COL4A6: variants seen among roughly 807,000 people sequenced by gnomAD.
The protein encoded by COL4A6 is collagen alpha-6(IV) chain.
A neutral mutation model predicts 126.7 loss-of-function variants in COL4A6; 59 were observed. The observed-to-expected ratio is 0.47, with a 90% CI of 0.38 to 0.58. The LOEUF is 0.58. Ranked by LOEUF, COL4A6 falls within the 20% of genes least tolerant of loss-of-function variation. The pLI is 0.00. For missense variants in COL4A6, 1,285 were observed against 1,337.3 expected, an observed-to-expected ratio of 0.96 and a Z score of 0.61; for synonymous variants, 547 against 496.6, an observed-to-expected ratio of 1.10 and a Z score of -1.35.
intron 3 of COL4A6, among the ~76,000 whole-genome samples, chrX:108,237,300 C>T (rs749623435): frequency 9.0e-6 from 1 of 111,635 alleles, no homozygotes; most frequent in Admixed American, 9.5e-5. Context: ...ATAAAATCCA[C>T]ACTCCTTAAT....
intron 13 of COL4A6, 79 bp downstream of exon 13, chrX:108,202,849 C>A: frequency 1.2e-6 from 1 of 817,458 alleles, no homozygotes; most frequent in Non-Finnish European, 1.8e-6. Flanking sequence ...GGGAAGAGGT[C>A]TTTCTGTTAG....
chrX:108,178,614 CCCCAGGGCATCTGGG>C, intron 27 of COL4A6, 55 bp downstream of exon 27: 4 of 1,081,332 alleles, frequency 3.7e-6, no homozygotes, highest in Non-Finnish European at 5.0e-6. Context: ...GCTATTGCCC[CCCCAGGGCATCTGGG>C]CCCAGGGCCT....
intron 23 of COL4A6, 94 bp from the exon 24 acceptor site, chrX:108,181,062 C>G: frequency 1.3e-6 from 1 of 750,228 alleles, no homozygotes; most frequent in Non-Finnish European, 2.0e-6. Context: ...TTTAATAGGA[C>G]AGCCAAGCTC....
intron 23 of COL4A6, among the ~76,000 whole-genome samples, chrX:108,183,980 C>A (rs191194859): frequency 2.7e-5 from 3 of 111,715 alleles, no homozygotes; most frequent in African/African-American, 9.7e-5. Flanking sequence ...GCATCTGGAA[C>A]AGAGCCTCTT....
intron 2 of COL4A6, among the ~76,000 whole-genome samples, chrX:108,401,544 C>A (rs2041088075): frequency 9.1e-6 from 1 of 110,491 alleles, no homozygotes; most frequent in South Asian, 3.8e-4. Context: ...TACATAAAAT[C>A]TATTGGAAGG....
chrX:108,273,096 C>G lies in COL4A6; in HGVS notation c.144+37652G>C, dbSNP rs200788684. Among the ~76,000 whole-genome samples, 13 of 110,269 alleles carry G rather than the reference C, an allele frequency of 1.2e-4. 1 individual carries two copies. In the East Asian group the frequency reaches 3.7e-3, roughly 31 times the overall value. ...CTATCCCTCCCCGCTCCCTCCACCC[C>G]ACGACAGGCCCCGGTGTGTGACGTT... On this transcript the variant is annotated intron_variant, in intron 3 of 44. Transcript: ENST00000334504.
intron 3 of COL4A6, among the ~76,000 whole-genome samples, chrX:108,309,572 C>T (rs1300756867): frequency 9.0e-6 from 1 of 110,784 alleles, no homozygotes; most frequent in Non-Finnish European, 1.9e-5. Context: ...CAAATTCTGG[C>T]ATAGTTTGAC....
chrX:108,386,591 G>A (rs868225940), intron 2 of COL4A6, among the ~76,000 whole-genome samples: 2 of 111,474 alleles, frequency 1.8e-5, no homozygotes, highest in East Asian at 2.8e-4. Flanking sequence ...AATTGTTTAC[G>A]TTCTTTGTAG....
chrX:108,323,165 T>C (rs2039070450), intron 2 of COL4A6, among the ~76,000 whole-genome samples: 1 of 112,145 alleles, frequency 8.9e-6, no homozygotes, highest in South Asian at 3.7e-4. Flanking sequence ...GAAAGTAGAG[T>C]TATAACTAGC....
intron 3 of COL4A6, among the ~76,000 whole-genome samples, chrX:108,292,953 G>GA (rs1299619024): frequency 0.029 from 375 of 13,093 alleles, 8 homozygotes; most frequent in East Asian, 0.19. Context: ...CGTCTCTTAG[G>GA]AAAAAAAAAA....
At chrX:108,203,752 A>C (rs992443625) in intron 12 of COL4A6, among the ~76,000 whole-genome samples, 2 of 112,574 alleles carry the variant, frequency 1.8e-5, no homozygotes, top group African/African-American at 6.5e-5. Context: ...TCACATAAAA[A>C]TACAGATCGT....
intron 4 of COL4A6, chrX:108,220,996 G>A: frequency 7.6e-6 from 3 of 395,287 alleles, no homozygotes; most frequent in Non-Finnish European, 9.4e-6. Context: ...TACTTGGAAG[G>A]TGGAGGCAGG....
At chrX:108,332,658 A>C (rs1021857635) in intron 2 of COL4A6, among the ~76,000 whole-genome samples, 1 of 110,448 alleles carries the variant, frequency 9.1e-6, no homozygotes, top group African/African-American at 3.3e-5. Context: ...TTTTGAAAAA[A>C]TCATTTGTTC....
At chrX:108,244,480 C>T (rs1159847489) in intron 3 of COL4A6, among the ~76,000 whole-genome samples, 13 of 111,381 alleles carry the variant, frequency 1.2e-4, no homozygotes, top group Non-Finnish European at 1.1e-4. Context: ...AGGATCAGGG[C>T]ACCTAGAAAC....
chrX:108,165,606 C>T (rs1602709591), intron 37 of COL4A6, 120 bp from the exon 38 acceptor site: 2 of 430,874 alleles, frequency 4.6e-6, no homozygotes, highest in East Asian at 8.2e-5. Flanking sequence ...AGGAGCCAGA[C>T]CAGAGAACGC....
intron 2 of COL4A6, among the ~76,000 whole-genome samples, chrX:108,329,365 CAAAAT>C (rs1350463266): frequency 9.0e-6 from 1 of 111,282 alleles, no homozygotes; most frequent in East Asian, 2.8e-4. Context: ...AATTTAAAAA[CAAAAT>C]AAAACTTAAA....
At chrX:108,351,440 C>T (rs866924462) in intron 2 of COL4A6, among the ~76,000 whole-genome samples, 1 of 97,898 alleles carries the variant, frequency 1.0e-5, no homozygotes, top group Non-Finnish European at 2.0e-5. Flanking sequence ...AACTCTCTCT[C>T]TCTGTGTGTG....
At chrX:108,272,813 G>C (rs769152914) in intron 3 of COL4A6, among the ~76,000 whole-genome samples, 19 of 110,511 alleles carry the variant, frequency 1.7e-4, no homozygotes, top group African/African-American at 4.9e-4. Flanking sequence ...GTCATCTGGG[G>C]AGATTTAAAA....
chrX:108,157,329 C>T, intron 44 of COL4A6, 69 bp from the exon 45 acceptor site: 2 of 1,159,245 alleles, frequency 1.7e-6, no homozygotes, highest in African/African-American at 1.8e-5. Flanking sequence ...GGGATGGGTG[C>T]TCCACTGCTA....
Sources: allele counts gnomAD v4.1 joint callset (sites outside exome capture counted in the v4.1 genomes callset), GRCh38; gene constraint gnomAD v4.1.1; transcripts MANE v1.5; gene names NCBI Gene and HGNC (gene_info 2026-07-23, HGNC 2026-07-21).